THSD4: variants seen among roughly 807,000 people sequenced by gnomAD.
THSD4 encodes the protein thrombospondin type 1 domain containing 4.
Under a neutral mutation model 119.0 loss-of-function variants are expected in THSD4, and 69 were observed. The ratio of observed to expected loss-of-function variants is 0.58; its 90% CI spans 0.48 to 0.71. The LOEUF is 0.71. Ranked by LOEUF, THSD4 falls within the 30% of genes least tolerant of loss-of-function variation. THSD4 has a pLI of 0.00. For synonymous variants in THSD4, 524 were observed against 540.4 expected (o/e 0.97, Z 0.42); for missense variants, 1,393 against 1,391.1 (o/e 1.00, Z -0.02).
At chr15:71,642,439 C>T (rs377185904) in intron 7 of THSD4, among the ~76,000 whole-genome samples, 2,442 of 152,112 alleles carry the variant, frequency 0.016, 67 homozygotes, top group African/African-American at 0.056. Flanking sequence ...ACCCAGCCAT[C>T]CCATTACTGG....
intron 11 of THSD4, among the ~76,000 whole-genome samples, chr15:71,739,176 A>G (rs1015036573): frequency 4.6e-5 from 7 of 151,612 alleles, no homozygotes; most frequent in Admixed American, 1.3e-4. Flanking sequence ...CACAGCTCCC[A>G]TACTATCCCG....
intron 3 of THSD4, among the ~76,000 whole-genome samples, chr15:71,199,647 GGT>G (rs1294128066): frequency 5.5e-3 from 702 of 128,008 alleles, no homozygotes; most frequent in Admixed American, 0.023. Context: ...GTGTGTGTGT[GGT>G]GTGTGTGTGT....
rs767506207 is a variant in THSD4, at chr15:71,777,386, C to T, written c.*12C>T. The T allele has an allele frequency of 3.1e-6, 5 of 1,611,332 alleles. No individual in the cohort carries two copies. Among genetic ancestry groups the T allele is most frequent in the Admixed American group, 3.3e-5 (2 of 59,728 alleles). On this transcript the variant is annotated 3_prime_UTR_variant, in exon 18 of 18. Coordinates refer to ENST00000261862, the MANE Select transcript of THSD4 (RefSeq NM_024817.3). Reference sequence around the variant, plus strand: ...TGGGGAGCAGATAACACTCCTGCACCCCCATCAGTAGGGCAGCATCACTGC... The same window carrying T: ...TGGGGAGCAGATAACACTCCTGCACTCCCATCAGTAGGGCAGCATCACTGC...
At chr15:71,384,478 C>T (rs1185385880) in intron 6 of THSD4, among the ~76,000 whole-genome samples, 1 of 152,136 alleles carries the variant, frequency 6.6e-6, no homozygotes, top group East Asian at 1.9e-4. Context: ...GAAGGTATAC[C>T]TTTATAAACA....
chr15:71,203,781 T>C (rs2043821869), intron 3 of THSD4, among the ~76,000 whole-genome samples: 1 of 152,222 alleles, frequency 6.6e-6, no homozygotes, highest in South Asian at 2.1e-4. Context: ...AGCAGGTGTT[T>C]GTTGAACACT....
chr15:71,499,587 A>G (rs1426386944), intron 7 of THSD4, among the ~76,000 whole-genome samples: 2 of 151,998 alleles, frequency 1.3e-5, no homozygotes, highest in Non-Finnish European at 2.9e-5. Flanking sequence ...GCACATTGCA[A>G]TGTAAAAGAT....
chr15:71,774,865 A>C (rs1216341961), intron 17 of THSD4, among the ~76,000 whole-genome samples: 1 of 152,176 alleles, frequency 6.6e-6, no homozygotes, highest in Non-Finnish European at 1.5e-5. Flanking sequence ...ATTGGAAGCA[A>C]GCTGGGCGAC....
At chr15:71,409,960 C>T (rs1451374894) in intron 6 of THSD4, among the ~76,000 whole-genome samples, 2 of 150,356 alleles carry the variant, frequency 1.3e-5, no homozygotes, top group Non-Finnish European at 3.0e-5. Flanking sequence ...AGAAATATAT[C>T]TTGCCTGAAA....
chr15:71,270,110 C>T (rs2044511087), intron 6 of THSD4, among the ~76,000 whole-genome samples: 1 of 152,202 alleles, frequency 6.6e-6, no homozygotes, highest in Non-Finnish European at 1.5e-5. Context: ...CTTTACATTT[C>T]ATATGGAACC....
intron 7 of THSD4, among the ~76,000 whole-genome samples, chr15:71,467,775 A>G (rs2047520129): frequency 6.6e-6 from 1 of 151,596 alleles, no homozygotes; most frequent in Admixed American, 6.6e-5. Context: ...TGGGGAGGTA[A>G]TTGAATCATA....
At chr15:71,713,639 A>G (rs149908080) in intron 8 of THSD4, among the ~76,000 whole-genome samples, 2 of 152,168 alleles carry the variant, frequency 1.3e-5, no homozygotes, top group African/African-American at 2.4e-5. Flanking sequence ...GAATCAGATG[A>G]CTACTGTGAG....
chr15:71,314,283 C>T lies in THSD4; in HGVS notation c.1015+57568C>T, dbSNP rs566030866. On this transcript the variant is annotated intron_variant, in intron 6 of 17. Coordinates refer to ENST00000261862, the MANE Select transcript of THSD4 (RefSeq NM_024817.3). ...TGGTAATATTAATTTTGATAAGTTA[C>T]TATAAGAAAATATTATATTTTTATT... is the stretch of plus-strand genomic sequence containing the variant. Among the ~76,000 whole-genome samples the T allele has an allele frequency of 2.0e-5, 3 of 151,784 alleles. No individual in the cohort carries two copies. In the East Asian group the frequency reaches 5.8e-4, roughly 29 times the overall value.
chr15:71,340,406 T>A (rs1404286376), intron 6 of THSD4, among the ~76,000 whole-genome samples: 4 of 152,086 alleles, frequency 2.6e-5, no homozygotes, highest in African/African-American at 9.7e-5. Flanking sequence ...CAAAATGCCA[T>A]CCACCCTGTA....
Position 71,295,684 on chromosome 15 carries a change from T to TAAAA in THSD4, c.1015+38977_1015+38980dup, listed in dbSNP as rs35437901. Among the ~76,000 whole-genome samples, 21 of 147,002 alleles carry TAAAA rather than the reference T, an allele frequency of 1.4e-4. No individual in the cohort carries two copies. In the South Asian group the frequency reaches 3.0e-3, roughly 21 times the overall value. On this transcript the variant is annotated intron_variant, in intron 6 of 17. Transcript: ENST00000261862. ...CAGAATCACCTGGGGACATTTTCTT[T>TAAAA]AAAAAAAAAAAGCCAGCTCTATTGA...
At chr15:71,584,885 TCC>T (rs2049634708) in intron 7 of THSD4, among the ~76,000 whole-genome samples, 1 of 152,208 alleles carries the variant, frequency 6.6e-6, no homozygotes, top group Non-Finnish European at 1.5e-5. Flanking sequence ...CTTCATGATT[TCC>T]ATGAGGCTTA....
chr15:71,511,863 A>G (rs1475266354), intron 7 of THSD4, among the ~76,000 whole-genome samples: 1 of 152,242 alleles, frequency 6.6e-6, no homozygotes, highest in Non-Finnish European at 1.5e-5. Context: ...TATTTAATAC[A>G]CATCCCCCAC....
At position 71,745,164 on chromosome 15, in the gene THSD4, G is replaced by A. The variant is rs1437319625; in HGVS notation, c.1965G>A (p.Glu655=). The A allele has an allele frequency of 6.2e-7, 1 of 1,612,744 alleles. No homozygotes were observed. The highest frequency in any genetic ancestry group is 2.2e-5 in the East Asian group (1 of 44,888). ...GAAGCACTCATGAAGAGGCTCCTGA[G>A]AGTTACTGTGACTCCAGCATGAAGC... ...VHRSTHEEAP[E]SYCDSSMKPT... The change falls in exon 12 of 18, where the codon GAG becomes GAA. Residue 655 remains glutamate, a synonymous_variant. Coordinates refer to ENST00000261862, the MANE Select transcript of THSD4 (RefSeq NM_024817.3).
chr15:71,698,016 A>AG (rs2052201395), intron 8 of THSD4, among the ~76,000 whole-genome samples: 1 of 152,122 alleles, frequency 6.6e-6, no homozygotes, highest in South Asian at 2.1e-4. Flanking sequence ...CTCACTGAAG[A>AG]AGGGGCCAAG....
At chr15:71,444,869 G>T (rs900505577) in intron 7 of THSD4, among the ~76,000 whole-genome samples, 1 of 152,128 alleles carries the variant, frequency 6.6e-6, no homozygotes, top group African/African-American at 2.4e-5. Flanking sequence ...TACCGTCAGA[G>T]GGATTCTAAA....
Sources: gnomAD v4.1 joint callset for allele counts (sites outside exome capture counted in the v4.1 genomes callset) on GRCh38, gnomAD v4.1.1 for gene constraint, MANE v1.5 for transcripts, NCBI Gene and HGNC (gene_info 2026-07-23, HGNC 2026-07-21) for gene names.